The following KLHL7 variants were observed in gnomAD, a reference collection of about 807,000 sequenced individuals.
KLHL7 encodes kelch like family member 7.
Under a neutral mutation model 67.4 loss-of-function variants are expected in KLHL7, and 44 were observed. The observed-to-expected ratio is 0.65, with a 90% CI of 0.51 to 0.84. The LOEUF (loss-of-function observed/expected upper bound fraction) is 0.84. Among genes scored for constraint, KLHL7 ranks in the 40% least tolerant of loss-of-function variants. The pLI is 0.00. For missense variants in KLHL7, 362 were observed against 718.1 expected (o/e 0.50, Z 5.67); for synonymous variants, 252 against 243.3 (o/e 1.04, Z -0.33).
At position 23,174,836 on chromosome 7, in the gene KLHL7, G is replaced by T. The variant is rs559002739; in HGVS notation, c.*538G>T. On this transcript the variant is annotated 3_prime_UTR_variant, in exon 11 of 11. Transcript: ENST00000339077. ...TTAAAAGTAAGCCAGAGTGAGTCAA[G>T]GCATATACACACTTTCTCACAAAAC... 6.6e-6 allele frequency: 3 copies of T among 454,522 alleles called. No individual in the cohort carries two copies. Among genetic ancestry groups the T allele is most frequent in the South Asian group, 4.7e-5 (3 of 64,478 alleles). 28.2% of individuals were successfully genotyped at this position (454,522 alleles called of 1,614,324 possible).
At chr7:23,138,684 C>A (rs145669713) in intron 4 of KLHL7, among the ~76,000 whole-genome samples, 1 of 151,558 alleles carries the variant, frequency 6.6e-6, no homozygotes, top group African/African-American at 2.4e-5. Context: ...ATTATAGATG[C>A]GCGCCACCAC....
At chr7:23,137,903 A>G (rs976577851) in intron 4 of KLHL7, among the ~76,000 whole-genome samples, 77 of 149,578 alleles carry the variant, frequency 5.1e-4, no homozygotes, top group African/African-American at 1.4e-3. Flanking sequence ...CTGGCCAGGC[A>G]TGGTGGCTTA....
chr7:23,140,689 G>A, intron 4 of KLHL7, 80 bp from the exon 5 acceptor site: 2 of 1,175,392 alleles, frequency 1.7e-6, no homozygotes, highest in Non-Finnish European at 2.5e-6. Flanking sequence ...TAATTTTCCT[G>A]AAGTCATGCT....
intron 7 of KLHL7, among the ~76,000 whole-genome samples, chr7:23,158,992 T>C (rs1180992587): frequency 6.6e-6 from 1 of 152,210 alleles, no homozygotes; most frequent in Non-Finnish European, 1.5e-5. Flanking sequence ...TATTGAATCC[T>C]GGGTATGAAT....
intron 7 of KLHL7, among the ~76,000 whole-genome samples, chr7:23,159,103 AAAAG>A (rs760791513): frequency 2.0e-4 from 30 of 152,336 alleles, no homozygotes; most frequent in Non-Finnish European, 3.7e-4. Context: ...CTTTTTAAAA[AAAAG>A]GAAATTAGAC....
chr7:23,121,595 C>T (rs529385153), intron 1 of KLHL7, among the ~76,000 whole-genome samples: 34 of 151,980 alleles, frequency 2.2e-4, no homozygotes, highest in African/African-American at 7.7e-4. Flanking sequence ...GCGACCACAC[C>T]GAGCCCCCAT....
intron 1 of KLHL7, among the ~76,000 whole-genome samples, chr7:23,123,221 A>G (rs1177985589): frequency 1.3e-5 from 2 of 152,234 alleles, no homozygotes. Context: ...GTTATTTAAT[A>G]AAAGATTGCT....
intron 4 of KLHL7, among the ~76,000 whole-genome samples, chr7:23,132,646 T>G (rs1783843104): frequency 6.6e-6 from 1 of 152,210 alleles, no homozygotes; most frequent in Admixed American, 6.5e-5. Flanking sequence ...CTTTTTAACT[T>G]GATGTGACTC....
chr7:23,132,513 T>A (rs6953020), intron 4 of KLHL7, among the ~76,000 whole-genome samples: 1 of 152,036 alleles, frequency 6.6e-6, no homozygotes, highest in Non-Finnish European at 1.5e-5. Context: ...GATTTTTTTC[T>A]TATAGAGCTC....
chr7:23,172,995 T>C lies in KLHL7; in HGVS notation c.1427T>C (p.Leu476Pro). ...PMIEARKNHGLVFVKDKIFAV... is the reference protein window; with the variant it reads ...PMIEARKNHGPVFVKDKIFAV... ...ATTGAAGCCAGGAAGAATCATGGGCTGGTATTTGTAAAAGACAAGATATTT... is the reference window on the plus strand; with the variant it reads ...ATTGAAGCCAGGAAGAATCATGGGCCGGTATTTGTAAAAGACAAGATATTT... The change falls in exon 10 of 11, where the codon CTG (leucine) becomes CCG (proline). Residue 476 changes from leucine (L) to proline (P), a missense_variant. Coordinates refer to ENST00000339077, the MANE Select transcript of KLHL7 (RefSeq NM_001031710.3). 1.2e-6 allele frequency: 2 copies of C among 1,613,954 alleles called. No homozygotes were observed. The highest frequency in any genetic ancestry group is 1.7e-6 in the Non-Finnish European group (2 of 1,179,854).
intron 4 of KLHL7, among the ~76,000 whole-genome samples, chr7:23,134,310 A>G (rs1783900540): frequency 6.6e-6 from 1 of 152,188 alleles, no homozygotes; most frequent in Non-Finnish European, 1.5e-5. Context: ...CCACTTGGTC[A>G]TGATGAATTA....
chr7:23,159,307 G>T lies in KLHL7; in HGVS notation c.937-6391G>T, dbSNP rs149943821. Among the ~76,000 whole-genome samples the T allele has an allele frequency of 3.6e-3, 545 of 152,050 alleles. 3 individuals carry two copies. The highest frequency in any genetic ancestry group is 0.012 in the African/African-American group (515 of 41,444). On this transcript the variant is annotated intron_variant, in intron 7 of 10. Transcript: ENST00000339077. Reference sequence around the variant, plus strand: ...GCCTCCCAAGTAGCAGGGACTACAGGCGTGCATCACCACACATGGCCATTT... The same window carrying T: ...GCCTCCCAAGTAGCAGGGACTACAGTCGTGCATCACCACACATGGCCATTT...
At chr7:23,117,746 A>G (rs988276811) in intron 1 of KLHL7, 3 of 1,206,904 alleles carry the variant, frequency 2.5e-6, no homozygotes, top group African/African-American at 1.5e-5. Context: ...TGCATTTATT[A>G]TTGCTTTATT....
At chr7:23,118,092 T>TGTA in intron 1 of KLHL7, 1 of 1,141,844 alleles carries the variant, frequency 8.8e-7, no homozygotes, top group Non-Finnish European at 1.3e-6. Flanking sequence ...GCTTTAGCAC[T>TGTA]TACATGGACC....
At chr7:23,163,533 G>A (rs1259484551) in intron 7 of KLHL7, among the ~76,000 whole-genome samples, 1 of 152,154 alleles carries the variant, frequency 6.6e-6, no homozygotes, top group Non-Finnish European at 1.5e-5. Context: ...AAATCACATA[G>A]GGCAAGATAC....
intron 4 of KLHL7, among the ~76,000 whole-genome samples, chr7:23,139,963 C>G (rs1784120620): frequency 6.6e-6 from 1 of 151,502 alleles, no homozygotes; most frequent in African/African-American, 2.4e-5. Flanking sequence ...TAGTTGCTGA[C>G]CCTACAAAAC....
chr7:23,173,240 G>A (rs566540453), intron 10 of KLHL7, among the ~76,000 whole-genome samples, 195 bp downstream of exon 10: 6 of 152,174 alleles, frequency 3.9e-5, no homozygotes, highest in South Asian at 2.1e-4. Flanking sequence ...ATGAAATGTC[G>A]CAGTAGTCAC....
chr7:23,149,073 C>A (rs142134121), intron 6 of KLHL7, among the ~76,000 whole-genome samples: 1,950 of 152,130 alleles, frequency 0.013, 47 homozygotes, highest in African/African-American at 0.044. Context: ...TGAAAAATAA[C>A]ATAAAACTAA....
rs966740352 is a variant in KLHL7, at chr7:23,174,670, A to G, written c.*372A>G. On this transcript the variant is annotated 3_prime_UTR_variant, in exon 11 of 11. Transcript: ENST00000339077. Reference sequence around the variant, plus strand: ...TATTTTCATGCATCACAGAAGTGCTATACGGTTAGGTCTGTTTGTGCTCAG... The same window carrying G: ...TATTTTCATGCATCACAGAAGTGCTGTACGGTTAGGTCTGTTTGTGCTCAG... The G allele has an allele frequency of 1.1e-5, 5 of 460,782 alleles. No homozygotes were observed. The highest frequency in any genetic ancestry group is 4.7e-5 in the Admixed American group (2 of 42,750). 28.5% of individuals were successfully genotyped at this position (460,782 alleles called of 1,614,324 possible).
Sources: gnomAD v4.1 joint callset for allele counts (sites outside exome capture counted in the v4.1 genomes callset) on GRCh38, gnomAD v4.1.1 for gene constraint, MANE v1.5 for transcripts, NCBI Gene and HGNC (gene_info 2026-07-23, HGNC 2026-07-21) for gene names.